FAXC: variants seen among roughly 807,000 people sequenced by gnomAD.
The protein encoded by FAXC is failed axon connections homolog, metaxin like GST domain containing, also known as failed axon connections homolog.
Under a neutral mutation model 41.9 loss-of-function variants are expected in FAXC, and 10 were observed. The observed-to-expected ratio is 0.24, with a 90% confidence interval of 0.15 to 0.41. The LOEUF is 0.41. Among genes scored for constraint, FAXC ranks in the 10% least tolerant of loss-of-function variants. The pLI is 1.00. For synonymous variants in FAXC, 183 were observed against 183.8 expected (o/e 1.00, Z 0.03); for missense variants, 399 against 510.9 (o/e 0.78, Z 2.11).
intron 3 of FAXC, among the ~76,000 whole-genome samples, chr6:99,328,628 A>G (rs1772912790): frequency 6.6e-6 from 1 of 152,062 alleles, no homozygotes; most frequent in Non-Finnish European, 1.5e-5. Flanking sequence ...TAGACATCCT[A>G]ACCTTTCCCG....
chr6:99,342,712 C>T (rs879246887), intron 2 of FAXC, among the ~76,000 whole-genome samples, 186 bp downstream of exon 2: 1 of 152,146 alleles, frequency 6.6e-6, no homozygotes, highest in Admixed American at 6.5e-5. Context: ...CTTTTTGATC[C>T]ATCATTATCA....
chr6:99,338,366 C>T (rs747558048), intron 2 of FAXC, among the ~76,000 whole-genome samples: 13 of 152,192 alleles, frequency 8.5e-5, no homozygotes, highest in Non-Finnish European at 1.5e-4. Flanking sequence ...TAACTACAGG[C>T]AGCTGCTCTA....
intron 4 of FAXC, among the ~76,000 whole-genome samples, chr6:99,304,969 A>G (rs1771858921): frequency 6.6e-6 from 1 of 152,240 alleles, no homozygotes; most frequent in South Asian, 2.1e-4. Context: ...ATAAGTTTTG[A>G]GAAACTGTGA....
At chr6:99,292,093 C>A (rs573520315) in intron 4 of FAXC, among the ~76,000 whole-genome samples, 1 of 152,140 alleles carries the variant, frequency 6.6e-6, no homozygotes, top group Admixed American at 6.5e-5. Context: ...AAAGGGAGAA[C>A]TGATCACCAC....
At chr6:99,305,108 G>A (rs1448981555) in intron 4 of FAXC, among the ~76,000 whole-genome samples, 3 of 152,142 alleles carry the variant, frequency 2.0e-5, no homozygotes, top group African/African-American at 7.2e-5. Flanking sequence ...AAGAAGATGA[G>A]GTTGGAGATG....
In FAXC at chr6:99,272,067, T is replaced by A. The variant is rs1360364159; in HGVS notation, c.*9097A>T. On this transcript the variant is annotated 3_prime_UTR_variant, in exon 6 of 6. Coordinates refer to ENST00000389677, the MANE Select transcript of FAXC (RefSeq NM_032511.4). ...CATATTACCATATGCCAGTTTATCA[T>A]CCCAAACGTCTTTCTTCATCTGTAA... 6.6e-6 allele frequency: 1 copy of A among 152,088 alleles called. No homozygotes were observed. Among genetic ancestry groups the A allele is most frequent in the East Asian group, 1.9e-4 (1 of 5,194 alleles). 9.4% of individuals were successfully genotyped at this position (152,088 alleles called of 1,614,324 possible).
intron 4 of FAXC, among the ~76,000 whole-genome samples, chr6:99,309,550 T>C (rs1011150173): frequency 6.6e-6 from 1 of 152,180 alleles, no homozygotes; most frequent in Non-Finnish European, 1.5e-5. Flanking sequence ...CTCCACTACC[T>C]GGTCCCCATA....
chr6:99,323,710 A>G (rs749458191), intron 3 of FAXC, 43 bp from the exon 4 acceptor site: 39 of 1,475,858 alleles, frequency 2.6e-5, no homozygotes, highest in Non-Finnish European at 3.4e-5. Context: ...CATCAGGTAC[A>G]TATCAGCTCC....
chr6:99,347,481 G>A (rs1308720232), intron 1 of FAXC, among the ~76,000 whole-genome samples: 1 of 152,104 alleles, frequency 6.6e-6, no homozygotes, highest in Non-Finnish European at 1.5e-5. Context: ...AGCATCCAGT[G>A]CTGAGGTATA....
rs116410991 is a variant in FAXC at position 99,281,911 on chromosome 6, C to T, written c.941-458G>A. Among the ~76,000 whole-genome samples the T allele has an allele frequency of 8.1e-3, 1,229 of 152,358 alleles. 18 individuals are homozygous for T. Among genetic ancestry groups the T allele is most frequent in the African/African-American group, 0.028 (1,167 of 41,582 alleles). ...CAACAGCGGCCCAAACTATGACATCCAGCCACTAGGCTTTCTGGGAAACTG... is the reference window on the plus strand; with the variant it reads ...CAACAGCGGCCCAAACTATGACATCTAGCCACTAGGCTTTCTGGGAAACTG... On this transcript the variant is annotated intron_variant, in intron 5 of 5. Transcript: ENST00000389677.
At chr6:99,281,892 C>A (rs1054384939) in intron 5 of FAXC, among the ~76,000 whole-genome samples, 2 of 152,210 alleles carry the variant, frequency 1.3e-5, no homozygotes, top group African/African-American at 4.8e-5. Flanking sequence ...TTTGCAACAG[C>A]GGCCCAAACT....
rs1199204292 is a variant in FAXC, at chr6:99,281,362, C to T, written c.1032G>A (p.Glu344=). 1.2e-6 allele frequency: 2 copies of T among 1,614,202 alleles called. No homozygotes were observed. Among genetic ancestry groups the T allele is most frequent in the East Asian group, 4.5e-5 (2 of 44,886 alleles). The part of the protein sequence containing the change: ...WHHDDDNTIY[E]SEESSEGSKT... Reference sequence around the variant, plus strand: ...TGCTGCCTTCGCTGCTCTCCTCAGACTCATAGATGGTATTGTCATCATCGT... The same window carrying T: ...TGCTGCCTTCGCTGCTCTCCTCAGATTCATAGATGGTATTGTCATCATCGT... Residue 344 remains glutamate (E), a synonymous_variant, in exon 6 of 6, where the codon GAG becomes GAA. Transcript: ENST00000389677.
chr6:99,340,026 A>G (rs1373155213), intron 2 of FAXC, among the ~76,000 whole-genome samples: 1 of 152,224 alleles, frequency 6.6e-6, no homozygotes, highest in Non-Finnish European at 1.5e-5. Context: ...CCATATTGAA[A>G]CTTGAGAATA....
chr6:99,300,086 A>G (rs1451376986), intron 4 of FAXC, among the ~76,000 whole-genome samples: 2 of 152,052 alleles, frequency 1.3e-5, no homozygotes, highest in African/African-American at 4.8e-5. Context: ...CTATCTCGAC[A>G]CCTTCCTCAC....
At chr6:99,328,522 C>A (rs1270233471) in intron 3 of FAXC, among the ~76,000 whole-genome samples, 1 of 152,192 alleles carries the variant, frequency 6.6e-6, no homozygotes, top group African/African-American at 2.4e-5. Context: ...GCCACCCAGT[C>A]AAAAGTATTC....
chr6:99,271,310 A>T lies in FAXC; in HGVS notation c.*9854T>A, dbSNP rs1021297944. The stretch of plus-strand genomic sequence containing the variant: ...AGACGGGAAGTCCAGGACCCCACAC[A>T]AGTTCTAGAAGGGTGTGGAACCAAC... On this transcript the variant is annotated 3_prime_UTR_variant, in exon 6 of 6. Coordinates refer to ENST00000389677, the MANE Select transcript of FAXC (RefSeq NM_032511.4). The T allele has an allele frequency of 2.6e-5, 4 of 152,204 alleles. No homozygotes were observed. The highest frequency in any genetic ancestry group is 5.9e-5 in the Non-Finnish European group (4 of 68,046). The allele number at this position is 152,204 out of a possible 1,614,324, so 9.4% of individuals were successfully genotyped here.
rs959838918 is a variant in FAXC, at chr6:99,279,200, C to A, written c.*1964G>T. The stretch of plus-strand genomic sequence containing the variant: ...TGCTGCAGCCTCAAACAGGCTTATC[C>A]ATTCATATCTTCTCCACCACATTCT... On this transcript the variant is annotated 3_prime_UTR_variant, in exon 6 of 6. Coordinates refer to ENST00000389677, the MANE Select transcript of FAXC (RefSeq NM_032511.4). 2 of 152,122 alleles carry A rather than the reference C, an allele frequency of 1.3e-5. No homozygotes were observed. The highest frequency in any genetic ancestry group is 4.8e-5 in the African/African-American group (2 of 41,426). 9.4% of individuals were successfully genotyped at this position (152,122 alleles called of 1,614,324 possible). A position where few individuals can be genotyped will look rare whatever the true frequency, so the allele number is the denominator to read the frequency against.
intron 5 of FAXC, among the ~76,000 whole-genome samples, chr6:99,284,688 G>A (rs748076062): frequency 3.3e-5 from 5 of 151,886 alleles, no homozygotes; most frequent in East Asian, 1.9e-4. Flanking sequence ...TGAAGTGGGC[G>A]GATCACCTGA....
intron 4 of FAXC, among the ~76,000 whole-genome samples, chr6:99,295,305 A>G (rs1417965235): frequency 6.6e-6 from 1 of 152,254 alleles, no homozygotes; most frequent in Non-Finnish European, 1.5e-5. Flanking sequence ...GATGGCAGAA[A>G]GCCTTTTTAA....
Sources: gnomAD v4.1 joint callset for allele counts (sites outside exome capture counted in the v4.1 genomes callset) on GRCh38, gnomAD v4.1.1 for gene constraint, MANE v1.5 for transcripts, NCBI Gene and HGNC (gene_info 2026-07-23, HGNC 2026-07-21) for gene names.